The following AHRR variants were observed in gnomAD, a reference collection of about 807,000 sequenced individuals.
AHRR encodes the protein ahR repressor.
Under a neutral mutation model 44.0 loss-of-function variants are expected in AHRR, and 28 were observed. The observed-to-expected ratio is 0.64, with a 90% CI of 0.47 to 0.87. AHRR has a LOEUF of 0.87. Among genes scored for constraint, AHRR ranks in the 40% least tolerant of loss-of-function variants. The pLI is 0.00. For missense variants in AHRR, 990 were observed against 953.9 expected (o/e 1.04, Z -0.50); for synonymous variants, 434 against 407.0 (o/e 1.07, Z -0.80).
At chr5:431,057 A>T (rs1410880414) in intron 8 of AHRR, among the ~76,000 whole-genome samples, 4 of 152,178 alleles carry the variant, frequency 2.6e-5, no homozygotes, top group Non-Finnish European at 5.9e-5. Context: ...GTCACCGTGG[A>T]GTTTCCACTG....
intron 1 of AHRR, among the ~76,000 whole-genome samples, chr5:328,255 ATTTTTTTTTTTTTTTTT>A (rs70955232): frequency 2.9e-4 from 16 of 54,256 alleles, no homozygotes; most frequent in African/African-American, 3.6e-4. Context: ...CCAACATCTG[ATTTTTTTTTTTTTTTTT>A]TTTTTTTTTT....
intron 4 of AHRR, among the ~76,000 whole-genome samples, chr5:389,488 T>C (rs6555227): frequency 0.33 from 50,243 of 152,102 alleles, 12,329 homozygotes; most frequent in African/African-American, 0.69. Flanking sequence ...CAATGCGTGA[T>C]GCAGCTGGAC....
At chr5:424,199 C>T (rs112434063) in intron 7 of AHRR, among the ~76,000 whole-genome samples, 1,589 of 57,186 alleles carry the variant, frequency 0.028, 1 homozygote, top group Middle Eastern at 0.058. Flanking sequence ...GAGCTCTGTG[C>T]ACCCTGTGAT....
intron 1 of AHRR, chr5:343,552 G>C (rs962231549): frequency 1.9e-4 from 64 of 336,576 alleles, no homozygotes; most frequent in Non-Finnish European, 2.8e-4. Flanking sequence ...CGCCCCGCCC[G>C]TTCCTGGCTT....
In AHRR at chr5:413,346, T is replaced by G. The variant is rs749171730; in HGVS notation, c.354T>G (p.Ser118=). 1.3e-6 allele frequency: 2 copies of G among 1,594,548 alleles called. No homozygotes were observed. The highest frequency in any genetic ancestry group is 1.8e-5 in the Admixed American group (1 of 54,910). ...AVLEGRLLLE[S]LNGFALVVSA... is the part of the protein sequence containing the mutation. The stretch of plus-strand genomic sequence containing the variant: ...TTTTGTTTTGTTTTTTCTTCTAGTC[T>G]CTTAATGGCTTTGCTCTGGTCGTGA... Residue 118 remains serine, a splice_region_variant and synonymous_variant, in exon 5 of 11, where the codon TCT becomes TCG. Transcript: ENST00000684583.
At chr5:403,986 CT>C in intron 4 of AHRR, 1 of 1,154,880 alleles carries the variant, frequency 8.7e-7, no homozygotes, top group Non-Finnish European at 1.3e-6. Flanking sequence ...TTTCTGCTTT[CT>C]TTACAGTAAT....
intron 4 of AHRR, among the ~76,000 whole-genome samples, chr5:402,866 A>G (rs1735076790): frequency 6.6e-6 from 1 of 152,206 alleles, no homozygotes; most frequent in Non-Finnish European, 1.5e-5. Context: ...TTCAACCAGA[A>G]AAAGAAGGGA....
At chr5:345,114 C>CTG (rs1240402092) in intron 2 of AHRR, among the ~76,000 whole-genome samples, 2 of 19,234 alleles carry the variant, frequency 1.0e-4, no homozygotes, top group Admixed American at 5.4e-4. Flanking sequence ...ATGTCCCTGG[C>CTG]TGTGTGTGGG....
chr5:423,892 G>C lies in AHRR; in HGVS notation c.623G>C (p.Gly208Ala). The part of the protein sequence containing the change: ...RLLRAQEWGT[G>A]TPTEYSAFLT... ...CTCAGGGCCCAGGAGTGGGGCACAGGCACGCCCACCGAGTACTCGGCCTTC... is the reference window on the plus strand; with the variant it reads ...CTCAGGGCCCAGGAGTGGGGCACAGCCACGCCCACCGAGTACTCGGCCTTC... The change falls in exon 7 of 11, where the codon GGC (glycine) becomes GCC (alanine). Residue 208 changes from glycine (G) to alanine (A), a missense_variant. Transcript: ENST00000684583. 6.2e-7 allele frequency: 1 copy of C among 1,604,930 alleles called. No homozygotes were observed.
At chr5:403,699 T>C in intron 4 of AHRR, 1 of 818,126 alleles carries the variant, frequency 1.2e-6, no homozygotes, top group Non-Finnish European at 1.9e-6. Flanking sequence ...TTTTTTTACT[T>C]TCTCTCAGAG....
chr5:374,417 G>A (rs1877842), intron 3 of AHRR, among the ~76,000 whole-genome samples: 69,033 of 152,202 alleles, frequency 0.45, 15,928 homozygotes, highest in African/African-American at 0.5. Flanking sequence ...GAACTGTGGC[G>A]TCTCTGGCTG....
In AHRR at chr5:395,025, G is replaced by A. The variant is rs950686895; in HGVS notation, c.351+18309G>A. Among the ~76,000 whole-genome samples, 10 of 152,200 alleles carry A rather than the reference G, an allele frequency of 6.6e-5. No homozygotes were observed. The highest frequency in any genetic ancestry group is 2.2e-4 in the African/African-American group (9 of 41,452). On this transcript the variant is annotated intron_variant, in intron 4 of 10. Coordinates refer to ENST00000684583, the MANE Select transcript of AHRR (RefSeq NM_001377236.1). This position sits in a 1 kb window ranked among gnomAD's most constrained non-coding sequence, Gnocchi z 5.3. ...GTCGCCCCCCAGGCAGGGCTGTCTC[G>A]AGGCATCTTGGGAGGGCAAAGGCAG... is the stretch of plus-strand genomic sequence containing the variant.
At chr5:382,364 T>C (rs1401185792) in intron 4 of AHRR, among the ~76,000 whole-genome samples, 1 of 152,234 alleles carries the variant, frequency 6.6e-6, no homozygotes. Flanking sequence ...AAGTTTTTCT[T>C]AGGTGAATTG....
chr5:427,747 G>T (rs1736510139), intron 7 of AHRR, 60 bp from the exon 8 acceptor site: 1 of 1,612,184 alleles, frequency 6.2e-7, no homozygotes, highest in Non-Finnish European at 8.5e-7. Context: ...TCTGTGTCCT[G>T]TGACCACCTT....
At chr5:339,175 C>T (rs981737623) in intron 1 of AHRR, among the ~76,000 whole-genome samples, 5 of 152,184 alleles carry the variant, frequency 3.3e-5, no homozygotes, top group African/African-American at 1.2e-4. Flanking sequence ...GTGGTACAAA[C>T]ACAGCTCACT....
chr5:430,298 T>C (rs6893791), intron 8 of AHRR, among the ~76,000 whole-genome samples: 134,253 of 152,304 alleles, frequency 0.88, 59,675 homozygotes, highest in African/African-American at 0.96. Context: ...CCGTCCCTCC[T>C]GTTCTTTGGC....
At chr5:328,255 A>ATTTTTTTTTTTTTT (rs70955232) in intron 1 of AHRR, among the ~76,000 whole-genome samples, 1 of 54,254 alleles carries the variant, frequency 1.8e-5, no homozygotes, top group African/African-American at 6.0e-5. Flanking sequence ...CCAACATCTG[A>ATTTTTTTTTTTTTT]TTTTTTTTTT....
At chr5:421,270 A>G in intron 5 of AHRR, 1 of 698,600 alleles carries the variant, frequency 1.4e-6, no homozygotes, top group Non-Finnish European at 2.6e-6. Context: ...TGCCGTGTGC[A>G]GGCACGGAAC....
At chr5:390,354 T>A (rs982632911) in intron 4 of AHRR, among the ~76,000 whole-genome samples, 3 of 152,040 alleles carry the variant, frequency 2.0e-5, no homozygotes. Flanking sequence ...AATAAAAAAA[T>A]TTCTTAAAAG....
Sources: gnomAD v4.1 joint callset for allele counts (sites outside exome capture counted in the v4.1 genomes callset) on GRCh38, gnomAD v4.1.1 for gene constraint, Gnocchi (gnomAD v3.1) non-coding constraint, MANE v1.5 for transcripts, NCBI Gene and HGNC (gene_info 2026-07-23, HGNC 2026-07-21) for gene names.